Variants in OPLAH observed in about 807,000 individuals in gnomAD.
OPLAH encodes 5-oxoprolinase.
In OPLAH, 103 loss-of-function variants were observed where a neutral mutation model predicts 122.8. That is an observed-to-expected ratio of 0.84 (90% CI 0.71 to 0.99). OPLAH has a LOEUF of 0.99. Among genes scored for constraint, OPLAH ranks in the 50% least tolerant of loss-of-function variants. The pLI, the probability that OPLAH is intolerant of heterozygous loss-of-function variation, is 0.00. For synonymous variants in OPLAH, 875 were observed against 796.0 expected (o/e 1.10, Z -1.67); for missense variants, 1,902 against 1,836.5 (o/e 1.04, Z -0.65).
rs782155845 is a variant in OPLAH at position 144,054,569 on chromosome 8, T to C, written c.2678A>G (p.Gln893Arg). The change falls in exon 19 of 27, where the codon CAG becomes CGG. Residue 893 changes from glutamine (Q) to arginine (R), a missense_variant. This residue lies in a region of OPLAH where 1,726 missense variants were observed against 1,642.1 expected (regional missense o/e 1.05). Transcript: ENST00000618853. ...ACCCCACTCCCACTCACCCTCCTCCTGGAAGACGCCCCCCTGGACAAGTTT... is the reference window on the plus strand; with the variant it reads ...ACCCCACTCCCACTCACCCTCCTCCCGGAAGACGCCCCCCTGGACAAGTTT... Reference protein sequence around the residue: ...SFKLVQGGVFQEEAVTEALRA... With the variant: ...SFKLVQGGVFREEAVTEALRA... 6.3e-7 allele frequency: 1 copy of C among 1,585,556 alleles called. No individual in the cohort carries two copies. Among genetic ancestry groups the C allele is most frequent in the Non-Finnish European group, 8.6e-7 (1 of 1,160,408 alleles).
In OPLAH at chr8:144,058,932, A is replaced by C. The variant is rs111322377; in HGVS notation, c.464-36T>G. ...AGCCCAGGAGGCCCCGTTAAAGGCC[A>C]GCAGGACCCTCCGGCCCCAAATCCC... On this transcript the variant is annotated intron_variant, in intron 4 of 26. Coordinates refer to ENST00000618853, the MANE Select transcript of OPLAH (RefSeq NM_017570.5). The C allele has an allele frequency of 1.3e-3, 2,009 of 1,555,412 alleles. 18 individuals carry two copies. In the African/African-American group the frequency reaches 0.024, roughly 19 times the overall value.
rs1554758074 is a variant in OPLAH, at chr8:144,052,941, A to G, written c.3019-41T>C. 2.5e-6 allele frequency: 4 copies of G among 1,573,292 alleles called. No homozygotes were observed. In the African/African-American group the frequency reaches 4.1e-5, roughly 16 times the overall value. On this transcript the variant is annotated intron_variant, in intron 21 of 26. Transcript: ENST00000618853. The stretch of plus-strand genomic sequence containing the variant: ...GAAGGGAGAGGCTGTCAGCGGCCGC[A>G]CCGTGCCCCTGCCGCCTAGAGGCAC...
At chr8:144,050,640 G>A (rs1162731852), downstream of OPLAH, 5 of 984,798 alleles carry the variant, frequency 5.1e-6, no homozygotes, top group South Asian at 4.7e-5. Flanking sequence ...TATCGCGCTT[G>A]GGGGGAGGGT....
Position 144,057,565 on chromosome 8 carries a change from G to T in OPLAH, c.1305C>A (p.Asn435Lys). 1 of 1,585,240 alleles carries T rather than the reference G, an allele frequency of 6.3e-7. No individual in the cohort carries two copies. Reference sequence around the variant, plus strand: ...GGCAGGGCCCGTTGGTCAGGAAGCTGTTGACCTCAGTGGCCACAGCCTCCA... The same window carrying T: ...GGCAGGGCCCGTTGGTCAGGAAGCTTTTGACCTCAGTGGCCACAGCCTCCA... The part of the protein sequence containing the change: ...KALEAVATEV[N>K]SFLTNGPCPA... Residue 435 changes from asparagine to lysine, a missense_variant, in exon 10 of 27, where the codon AAC (asparagine) becomes AAA (lysine). Asn to Lys is a moderately conservative substitution (Grantham distance 94). Coordinates refer to ENST00000618853, the MANE Select transcript of OPLAH (RefSeq NM_017570.5).
chr8:144,051,982 A>G lies in OPLAH; in HGVS notation c.3556T>C (p.Phe1186Leu), dbSNP rs782573552. 6 of 1,581,866 alleles carry G rather than the reference A, an allele frequency of 3.8e-6. No individual in the cohort carries two copies. In the African/African-American group the frequency reaches 8.1e-5, roughly 21 times the overall value. The change falls in exon 25 of 27, where the codon TTT becomes CTT. Residue 1186 changes from phenylalanine (F) to leucine (L), a missense_variant. Phe to Leu is a conservative substitution (Grantham distance 22). Transcript: ENST00000618853. ...GGDGVTRELL[F>L]REEALLSVLT... ...ACTGACAGCAGCGCCTCCTCACGAA[A>G]GAGCAGCTCGCGGGTGACGCCGTCG...
In OPLAH at chr8:144,057,296, G is replaced by T; in HGVS notation, c.1447C>A (p.His483Asn). Reference protein sequence around the residue: ...TQARGHDPSAHVLACFGGAGG... With the variant: ...TQARGHDPSANVLACFGGAGG... ...GCTCCCCCAAAGCAGGCCAGCACAT[G>T]GGCTGAGGGGTCATGGCCTCTTGCC... The change falls in exon 11 of 27, where the codon CAT becomes AAT. Residue 483 changes from histidine to asparagine, a missense_variant. By Grantham distance (68) the His-to-Asn change is moderately conservative (BLOSUM62 1). Transcript: ENST00000618853. The T allele has an allele frequency of 6.2e-7, 1 of 1,612,276 alleles. No homozygotes were observed. The highest frequency in any genetic ancestry group is 8.5e-7 in the Non-Finnish European group (1 of 1,179,708).
chr8:144,053,134 C>T lies in OPLAH; in HGVS notation c.2872-5G>A. 1 of 1,607,306 alleles carries T rather than the reference C, an allele frequency of 6.2e-7. No homozygotes were observed. The highest frequency in any genetic ancestry group is 8.5e-7 in the Non-Finnish European group (1 of 1,177,514). ...CACGGCCAGCTCAGCGTTTGCCTGG[C>T]AGGGAGCAGGATCAGTGGTGGCCAG... On this transcript the variant is annotated splice_polypyrimidine_tract_variant and splice_region_variant and intron_variant, in intron 20 of 26. Coordinates refer to ENST00000618853, the MANE Select transcript of OPLAH (RefSeq NM_017570.5).
At chr8:144,052,670 C>T in intron 22 of OPLAH, 72 bp from the exon 23 acceptor site, 1 of 1,533,778 alleles carries the variant, frequency 6.5e-7, no homozygotes, top group Non-Finnish European at 8.8e-7. Context: ...ACCCCCCGCC[C>T]CAGCACCCGT....
At chr8:144,059,162 T>G in intron 3 of OPLAH, 83 bp from the exon 4 acceptor site, 1 of 1,150,230 alleles carries the variant, frequency 8.7e-7, no homozygotes, top group Non-Finnish European at 1.2e-6. Flanking sequence ...TACAGGTGAG[T>G]GGCTGTGTCC....
chr8:144,056,781 A>G (rs1835527449), intron 12 of OPLAH, 26 bp from the exon 13 acceptor site: 1 of 1,589,182 alleles, frequency 6.3e-7, no homozygotes, highest in African/African-American at 1.3e-5. Context: ...GGGGGCACTC[A>G]CACCAAACCC....
intron 3 of OPLAH, 77 bp from the exon 4 acceptor site, chr8:144,059,156 G>T: frequency 1.7e-6 from 2 of 1,198,544 alleles, no homozygotes; most frequent in Non-Finnish European, 2.4e-6. Context: ...GGGTGGTACA[G>T]GTGAGTGGCT....
At position 144,052,059 on chromosome 8, in the gene OPLAH, C is replaced by A; in HGVS notation, c.3479G>T (p.Arg1160Leu). ...CGAGCCCCGCCGCAGCTCGAAGCGGCGCAGGATGACCGGGTACCTGCGAGG... is the reference window on the plus strand; with the variant it reads ...CGAGCCCCGCCGCAGCTCGAAGCGGAGCAGGATGACCGGGTACCTGCGAGG... ...ILESRYPVIL[R>L]RFELRRGSGG... Residue 1160 changes from arginine (R) to leucine (L), a missense_variant, in exon 25 of 27, where the codon CGC becomes CTC. By Grantham distance (102) the Arg-to-Leu change is moderately radical. This residue lies in a region of OPLAH where 1,726 missense variants were observed against 1,642.1 expected (regional missense o/e 1.05). Transcript: ENST00000618853. 3.8e-6 allele frequency: 6 copies of A among 1,586,262 alleles called. No individual in the cohort carries two copies. Among genetic ancestry groups the A allele is most frequent in the Non-Finnish European group, 5.1e-6 (6 of 1,173,926 alleles).
At chr8:144,050,390 A>G (rs556629163), downstream of OPLAH, 121 of 985,036 alleles carry the variant, frequency 1.2e-4, no homozygotes, top group African/African-American at 2.0e-3. Flanking sequence ...GCCGACAGAG[A>G]ACAAAGTGGA....
chr8:144,057,821 G>A (rs1835561423), intron 9 of OPLAH, 35 bp downstream of exon 9: 8 of 1,605,818 alleles, frequency 5.0e-6, no homozygotes, highest in Non-Finnish European at 5.9e-6. Flanking sequence ...GGCAAGCGGA[G>A]GGCAAGGCCA....
chr8:144,060,409 CG>C (rs1835639169), intron 1 of OPLAH, among the ~76,000 whole-genome samples: 1 of 152,204 alleles, frequency 6.6e-6, no homozygotes, highest in Non-Finnish European at 1.5e-5. Flanking sequence ...GAAAGAGGCA[CG>C]GGAGTGCGGG....
chr8:144,059,028 G>A lies in OPLAH; in HGVS notation c.415C>T (p.Arg139Cys), dbSNP rs782310069. ...GCCTCTCCACGGTGCAGCACCACGC[G>A]TTCGTCCACCTCCAGCACCTCTTCA... ...LYEEVLEVDE[R>C]VVLHRGEAGT... is the part of the protein sequence containing the mutation. The change falls in exon 4 of 27, where the codon CGC (arginine) becomes TGC (cysteine). Residue 139 changes from arginine (R) to cysteine (C), a missense_variant. Physicochemically the swap from Arg to Cys is radical, Grantham distance 180 (BLOSUM62 -3). Around this residue, in one of 3 missense-constraint regions of OPLAH, gnomAD observed 1,726 missense variants for 1,642.1 expected, o/e 1.05. Transcript: ENST00000618853. The A allele has an allele frequency of 8.2e-6, 13 of 1,589,392 alleles. No individual in the cohort carries two copies. The highest frequency in any genetic ancestry group is 5.7e-5 in the South Asian group (5 of 87,038).
At position 144,053,329 on chromosome 8, in the gene OPLAH, G is replaced by C. The variant is rs372985158; in HGVS notation, c.2751C>G (p.His917Gln). The change falls in exon 20 of 27, where the codon CAC becomes CAG. Residue 917 changes from histidine to glutamine, a missense_variant. By Grantham distance (24) the His-to-Gln change is conservative (BLOSUM62 0). This residue lies in a region of OPLAH where 1,726 missense variants were observed against 1,642.1 expected (regional missense o/e 1.05). Coordinates refer to ENST00000618853, the MANE Select transcript of OPLAH (RefSeq NM_017570.5). ...GGGCACGGAGGTCCGACAGGTTGTC[G>C]TGCAGGTTTCTGGTTCCGCTGCAGT... ...VPNCSGTRNLHDNLSDLRAQV... is the reference protein window; with the variant it reads ...VPNCSGTRNLQDNLSDLRAQV... The C allele has an allele frequency of 1.2e-6, 2 of 1,612,764 alleles. No individual in the cohort carries two copies. Among genetic ancestry groups the C allele is most frequent in the African/African-American group, 1.3e-5 (1 of 74,886 alleles).
At chr8:144,050,620 G>C, downstream of OPLAH, 1 of 985,694 alleles carries the variant, frequency 1.0e-6, no homozygotes, top group East Asian at 1.1e-4. Context: ...AAGCAGCCCT[G>C]GGCCCTGGGT....
Position 144,059,018 on chromosome 8 carries a change from A to G in OPLAH, c.425T>C (p.Leu142Pro), listed in dbSNP as rs1554760257. The change falls in exon 4 of 27, where the codon CTG (leucine) becomes CCG (proline). Residue 142 changes from leucine to proline, a missense_variant. This residue lies in a region of OPLAH where 1,726 missense variants were observed against 1,642.1 expected (regional missense o/e 1.05). Coordinates refer to ENST00000618853, the MANE Select transcript of OPLAH (RefSeq NM_017570.5). ...CCCGGTGCCCGCCTCTCCACGGTGC[A>G]GCACCACGCGTTCGTCCACCTCCAG... ...EVLEVDERVV[L>P]HRGEAGTGTP... The G allele has an allele frequency of 1.3e-6, 2 of 1,586,872 alleles. No individual in the cohort carries two copies. Among genetic ancestry groups the G allele is most frequent in the South Asian group, 1.2e-5 (1 of 86,746 alleles).
Sources: allele counts gnomAD v4.1 joint callset (sites outside exome capture counted in the v4.1 genomes callset), GRCh38; gene constraint gnomAD v4.1.1; regional missense constraint gnomAD v4.1.1; transcripts MANE v1.5; gene names NCBI Gene and HGNC (gene_info 2026-07-23, HGNC 2026-07-21).